Variants in NBAS observed in about 807,000 individuals in gnomAD.
NBAS encodes NAG/BC035112 fusion.
A neutral mutation model predicts 302.5 loss-of-function variants in NBAS; 219 were observed. The observed-to-expected ratio is 0.72, with a 90% confidence interval of 0.65 to 0.81. The LOEUF is 0.81. NBAS is among the 30% of genes least tolerant of loss of function. NBAS has a pLI of 0.00. For synonymous variants in NBAS, 1,118 were observed against 1,021.6 expected (o/e 1.09, Z -1.80); for missense variants, 2,932 against 2,841.6 (o/e 1.03, Z -0.72).
intron 32 of NBAS, among the ~76,000 whole-genome samples, chr2:15,357,719 C>G (rs754904939): frequency 6.6e-6 from 1 of 152,126 alleles, no homozygotes; most frequent in Non-Finnish European, 1.5e-5. Context: ...ATGAAAAATA[C>G]AATTTACAAT....
the NBAS span, among the ~76,000 whole-genome samples, chr2:14,861,112 A>G: frequency 6.6e-6 from 1 of 152,226 alleles, no homozygotes; most frequent in African/African-American, 2.4e-5. Flanking sequence ...TTTGTAATCT[A>G]TCTCATTGTC....
chr2:14,815,683 T>C, the NBAS span, among the ~76,000 whole-genome samples: 32 of 152,352 alleles, frequency 2.1e-4, no homozygotes, highest in African/African-American at 7.7e-4. Flanking sequence ...ACATCTCTTC[T>C]GTGCTCTAGA....
chr2:15,089,855 T>C, the NBAS span, among the ~76,000 whole-genome samples: 5 of 150,904 alleles, frequency 3.3e-5, no homozygotes, highest in Non-Finnish European at 5.9e-5. Context: ...TTCCAGCGAT[T>C]CTCCTGCCTC....
the NBAS span, among the ~76,000 whole-genome samples, chr2:15,097,959 T>TA: frequency 3.6e-5 from 4 of 110,730 alleles, no homozygotes; most frequent in African/African-American, 1.4e-4. Flanking sequence ...GTATATAATA[T>TA]ATATATTATA....
the NBAS span, among the ~76,000 whole-genome samples, chr2:15,085,925 T>G: frequency 2.0e-5 from 3 of 152,016 alleles, no homozygotes; most frequent in Admixed American, 1.3e-4. Context: ...AGGTCAGTGA[T>G]GGCCTGCAGG....
the NBAS span, among the ~76,000 whole-genome samples, chr2:14,842,919 T>C: frequency 6.7e-6 from 1 of 148,872 alleles, no homozygotes; most frequent in Non-Finnish European, 1.5e-5. Context: ...AACAAAATAC[T>C]ATCAAACCAA....
At chr2:15,161,427 G>A in the NBAS span, among the ~76,000 whole-genome samples, 1 of 152,186 alleles carries the variant, frequency 6.6e-6, no homozygotes, top group South Asian at 2.1e-4. Context: ...CTGTCTCCTA[G>A]GAGAAAGTAA....
intron 44 of NBAS, among the ~76,000 whole-genome samples, chr2:15,264,118 T>C (rs752879151): frequency 2.6e-5 from 4 of 152,176 alleles, no homozygotes; most frequent in Non-Finnish European, 4.4e-5. Flanking sequence ...ACTAAAGATT[T>C]ACAGTTGAGT....
chr2:14,998,090 A>G, the NBAS span, among the ~76,000 whole-genome samples: 1 of 152,184 alleles, frequency 6.6e-6, no homozygotes, highest in Non-Finnish European at 1.5e-5. Context: ...GTGGCCTCCA[A>G]CTAAACAGTA....
At chr2:15,212,879 C>T (rs1454927661) in intron 48 of NBAS, among the ~76,000 whole-genome samples, 2 of 152,164 alleles carry the variant, frequency 1.3e-5, no homozygotes, top group African/African-American at 4.8e-5. Flanking sequence ...AAACCTCTTT[C>T]CTTTATAAAC....
chr2:15,151,699 T>C, the NBAS span, among the ~76,000 whole-genome samples: 1 of 152,214 alleles, frequency 6.6e-6, no homozygotes, highest in Non-Finnish European at 1.5e-5. Context: ...AAGTAGATTC[T>C]TCTTCTGGCT....
chr2:15,064,610 A>C, the NBAS span, among the ~76,000 whole-genome samples: 3 of 152,204 alleles, frequency 2.0e-5, no homozygotes, highest in African/African-American at 4.8e-5. Flanking sequence ...CCAAGACCGT[A>C]TGGTTTCACT....
intron 40 of NBAS, among the ~76,000 whole-genome samples, chr2:15,298,182 G>A (rs748132408): frequency 4.6e-5 from 7 of 152,080 alleles, no homozygotes; most frequent in African/African-American, 1.4e-4. Context: ...CCATCTCTAC[G>A]AGAAATAAGT....
intron 48 of NBAS, among the ~76,000 whole-genome samples, chr2:15,204,104 A>G (rs1306718322): frequency 6.6e-6 from 1 of 151,948 alleles, no homozygotes; most frequent in Admixed American, 6.6e-5. Flanking sequence ...TCTACGAAAA[A>G]TATACAGTTA....
At position 15,478,385 on chromosome 2, in the gene NBAS, G is replaced by A. The variant is rs111431059; in HGVS notation, c.1084-96C>T. 1,990 of 874,812 alleles carry A rather than the reference G, an allele frequency of 2.3e-3. 23 individuals carry two copies. Among genetic ancestry groups the A allele is most frequent in the African/African-American group, 0.02 (1,173 of 60,104 alleles). The allele number at this position is 874,812 out of a possible 1,614,324, so 54.2% of individuals were successfully genotyped here. A position where few individuals can be genotyped will look rare whatever the true frequency, so the allele number is the denominator to read the frequency against. The stretch of plus-strand genomic sequence containing the variant: ...GGACTTTTTCAAATAAAGAGATGAC[G>A]CTTTCCCTTGATCTCTCAATTACAA... On this transcript the variant is annotated intron_variant, in intron 12 of 51. Coordinates refer to ENST00000281513, the MANE Select transcript of NBAS (RefSeq NM_015909.4).
At chr2:15,459,419 T>C (rs1408821914) in intron 21 of NBAS, among the ~76,000 whole-genome samples, 1 of 152,122 alleles carries the variant, frequency 6.6e-6, no homozygotes, top group Non-Finnish European at 1.5e-5. Flanking sequence ...ATAAAATATA[T>C]TTATAAAACA....
intron 44 of NBAS, among the ~76,000 whole-genome samples, chr2:15,273,492 T>C (rs1255991261): frequency 6.6e-6 from 1 of 152,224 alleles, no homozygotes; most frequent in East Asian, 1.9e-4. Flanking sequence ...CACAGTTCAA[T>C]GGTTAAGAGA....
chr2:15,078,837 G>A, the NBAS span, among the ~76,000 whole-genome samples: 3 of 152,100 alleles, frequency 2.0e-5, no homozygotes, highest in East Asian at 5.8e-4. Flanking sequence ...TGGTCTTCTT[G>A]ATCACATAAC....
chr2:14,806,948 T>C, the NBAS span, among the ~76,000 whole-genome samples: 1 of 152,260 alleles, frequency 6.6e-6, no homozygotes, highest in Admixed American at 6.5e-5. Flanking sequence ...ACTCAGTTCA[T>C]TTATTTTTGT....
Sources: gnomAD v4.1 joint callset for allele counts (sites outside exome capture counted in the v4.1 genomes callset) on GRCh38, gnomAD v4.1.1 for gene constraint, MANE v1.5 for transcripts, NCBI Gene and HGNC (gene_info 2026-07-23, HGNC 2026-07-21) for gene names.